Variants in RBPMS2 observed in about 807,000 individuals in gnomAD.
RBPMS2 encodes the protein RNA-binding protein with multiple splicing 2.
RBPMS2 carries 14 observed loss-of-function variants against 25.7 expected under a neutral mutation model. The observed-to-expected ratio is 0.55, with a 90% CI of 0.36 to 0.85. The LOEUF (loss-of-function observed/expected upper bound fraction) is 0.85, where lower values mean the gene tolerates loss of function less well. RBPMS2 is among the 40% of genes least tolerant of loss of function. The pLI, the probability that RBPMS2 is intolerant of heterozygous loss-of-function variation, is 0.01. For synonymous variants in RBPMS2, 127 were observed against 115.6 expected (o/e 1.10, Z -0.63); for missense variants, 252 against 283.4 (o/e 0.89, Z 0.80).
In RBPMS2 at chr15:64,751,503, C is replaced by T. The variant is rs530429948; in HGVS notation, c.165+58G>A. On this transcript the variant is annotated intron_variant, in intron 2 of 7. Coordinates refer to ENST00000300069, the MANE Select transcript of RBPMS2 (RefSeq NM_194272.3). ...TGCCCTGCCCGACCCGAGATTCACT[C>T]CCGCTGCTTCTCCAGGGTCCCAGGC... 2.4e-4 allele frequency: 347 copies of T among 1,469,610 alleles called. 3 individuals carry two copies. In the South Asian group the frequency reaches 3.7e-3, roughly 16 times the overall value. The allele number at this position is 1,469,610 out of a possible 1,614,324, so 91.0% of individuals were successfully genotyped here.
chr15:64,744,798 G>GTTTTTTTTTTTTTTTTTTTTTTTTTTTTT (rs748967917), intron 6 of RBPMS2, among the ~76,000 whole-genome samples: 2 of 46,290 alleles, frequency 4.3e-5, no homozygotes, highest in African/African-American at 1.5e-4. Context: ...GGTTTGTTTT[G>GTTTTTTTTTTTTTTTTTTTTTTTTTTTTT]TTTTTTTTTT....
intron 7 of RBPMS2, 42 bp from the exon 8 acceptor site, chr15:64,741,042 A>T: frequency 1.5e-6 from 1 of 654,134 alleles, no homozygotes; most frequent in Non-Finnish European, 2.7e-6. Flanking sequence ...GAGGCGTGGG[A>T]CTAGAGCTAA....
intron 1 of RBPMS2, among the ~76,000 whole-genome samples, chr15:64,774,523 GCCCCT>G (rs913655192): frequency 6.6e-5 from 10 of 152,128 alleles, no homozygotes; most frequent in African/African-American, 2.2e-4. Context: ...AGATGATTTC[GCCCCT>G]CCTGGCAGGA....
At position 64,749,149 on chromosome 15, in the gene RBPMS2, C is replaced by T. The variant is rs1283931795; in HGVS notation, c.269G>A (p.Gly90Asp). Residue 90 changes from glycine to aspartate, a missense_variant and splice_region_variant, in exon 5 of 8, where the codon GGT becomes GAT. Coordinates refer to ENST00000300069, the MANE Select transcript of RBPMS2 (RefSeq NM_194272.3). ...GAEAAKNALN[G>D]IRFDPENPQT... ...TGGATTTTCGGGATCAAAGCGAATACCCTACATGGGTAGAGAAAAGAAGAG... is the reference window on the plus strand; with the variant it reads ...TGGATTTTCGGGATCAAAGCGAATATCCTACATGGGTAGAGAAAAGAAGAG... 1.4e-5 allele frequency: 23 copies of T among 1,613,988 alleles called. No homozygotes were observed. The highest frequency in any genetic ancestry group is 2.2e-5 in the East Asian group (1 of 44,892).
At chr15:64,748,871 AGGTG>A in intron 5 of RBPMS2, 125 bp downstream of exon 5, 1 of 1,042,096 alleles carries the variant, frequency 9.6e-7, no homozygotes. Context: ...GAGGAAAACC[AGGTG>A]TTTCAAAAAT....
At chr15:64,756,429 C>A (rs1470714011) in intron 1 of RBPMS2, among the ~76,000 whole-genome samples, 1 of 151,770 alleles carries the variant, frequency 6.6e-6, no homozygotes, top group Non-Finnish European at 1.5e-5. Flanking sequence ...GCACGAGAAT[C>A]CCCTGAACCC....
intron 1 of RBPMS2, among the ~76,000 whole-genome samples, chr15:64,756,816 TTTTTGG>T (rs2083734937): frequency 6.7e-6 from 1 of 149,944 alleles, no homozygotes; most frequent in African/African-American, 2.4e-5. Flanking sequence ...CTTTTTTTTT[TTTTTGG>T]AGAGACAGGG....
intron 1 of RBPMS2, among the ~76,000 whole-genome samples, chr15:64,761,696 CTT>C (rs71133473): frequency 4.6e-5 from 4 of 86,690 alleles, no homozygotes; most frequent in South Asian, 5.0e-4. Flanking sequence ...CAAAGCCCAG[CTT>C]TTTTTTTTTT....
rs1198077756 is a variant in RBPMS2 at position 64,749,436 on chromosome 15, G to C, written c.262C>G (p.Leu88Val). ...CCTGTTCTCCACCTACTCACGTTCA[G>C]CGCATTCTTGGCCGCTTCTGCTCCT... ...RAGAEAAKNALNGIRFDPENP... is the reference protein window; with the variant it reads ...RAGAEAAKNAVNGIRFDPENP... Residue 88 changes from leucine to valine, a missense_variant, in exon 4 of 8, where the codon CTG becomes GTG. Transcript: ENST00000300069. 1 of 1,613,218 alleles carries C rather than the reference G, an allele frequency of 6.2e-7. No homozygotes were observed. Among genetic ancestry groups the C allele is most frequent in the Non-Finnish European group, 8.5e-7 (1 of 1,179,686 alleles).
intron 1 of RBPMS2, among the ~76,000 whole-genome samples, chr15:64,766,798 G>C (rs577173690): frequency 6.6e-6 from 1 of 152,156 alleles, no homozygotes; most frequent in South Asian, 2.1e-4. Flanking sequence ...CAAAGTGCTG[G>C]GATTACAGGC....
intron 1 of RBPMS2, among the ~76,000 whole-genome samples, chr15:64,752,865 G>A (rs1180756517): frequency 6.6e-6 from 1 of 152,134 alleles, no homozygotes; most frequent in African/African-American, 2.4e-5. Flanking sequence ...GCCCACCTCG[G>A]CCTCCCAAAG....
chr15:64,751,948 C>A (rs1322201482), intron 1 of RBPMS2, among the ~76,000 whole-genome samples: 1 of 151,750 alleles, frequency 6.6e-6, no homozygotes, highest in Non-Finnish European at 1.5e-5. Flanking sequence ...ACAAACCCAG[C>A]CCAGCATGCC....
chr15:64,775,228 C>CCCA lies in RBPMS2; in HGVS notation c.87+2_87+4dup. On this transcript the variant is annotated splice_donor_region_variant and intron_variant, in intron 1 of 7. Transcript: ENST00000300069. ...ACCCGGCAAGTCCCGGGGCCACAGA[C>CCCA]CCACCTCCTCCTCCAGGGCGCCGCC... The CCCA allele has an allele frequency of 7.8e-7, 1 of 1,283,868 alleles. No homozygotes were observed. The highest frequency in any genetic ancestry group is 9.9e-7 in the Non-Finnish European group (1 of 1,012,368). 79.5% of individuals were successfully genotyped at this position (1,283,868 alleles called of 1,614,324 possible). A position where few individuals can be genotyped will look rare whatever the true frequency, so the allele number is the denominator to read the frequency against.
At chr15:64,754,081 C>T (rs544762342) in intron 1 of RBPMS2, among the ~76,000 whole-genome samples, 1 of 152,212 alleles carries the variant, frequency 6.6e-6, no homozygotes, top group African/African-American at 2.4e-5. Flanking sequence ...AAGGCTGAGG[C>T]GGGTGGATCA....
chr15:64,755,988 G>A lies in RBPMS2; in HGVS notation c.88-4350C>T, dbSNP rs2083728444. ...TTTCCTTCCTCTGAAGCCCCACAGT[G>A]GCCGTTAGGACCCCTCGCCTTATAG... On this transcript the variant is annotated intron_variant, in intron 1 of 7. Coordinates refer to ENST00000300069, the MANE Select transcript of RBPMS2 (RefSeq NM_194272.3). 4.6e-5 allele frequency among the ~76,000 whole-genome samples: 7 copies of A among 152,078 alleles called. No homozygotes were observed. In the South Asian group the frequency reaches 1.5e-3, roughly 32 times the overall value.
At position 64,775,474 on chromosome 15, in the gene RBPMS2, G is replaced by C. The variant is rs530698855; in HGVS notation, c.-155C>G. ...AGTGAGAGGGGCAGCCTCCGCGTCG[G>C]GCCAGGGTCACATCAAGTTTGGCGG... is the stretch of plus-strand genomic sequence containing the variant. On this transcript the variant is annotated 5_prime_UTR_variant, in exon 1 of 8. Transcript: ENST00000300069. 1,873 of 350,644 alleles carry C rather than the reference G, an allele frequency of 5.3e-3. 6 individuals are homozygous for C. The highest frequency in any genetic ancestry group is 8.8e-3 in the Admixed American group (183 of 20,748). 21.7% of individuals were successfully genotyped at this position (350,644 alleles called of 1,614,324 possible). A position where few individuals can be genotyped will look rare whatever the true frequency, so the allele number is the denominator to read the frequency against.
At chr15:64,763,989 A>T (rs2083817529) in intron 1 of RBPMS2, among the ~76,000 whole-genome samples, 1 of 152,064 alleles carries the variant, frequency 6.6e-6, no homozygotes, top group Non-Finnish European at 1.5e-5. Flanking sequence ...TGTTGTGTGC[A>T]CTTGACCTAC....
rs949271999 is a variant in RBPMS2 at position 64,740,167 on chromosome 15, T to C, written c.*841A>G. On this transcript the variant is annotated 3_prime_UTR_variant, in exon 8 of 8. Transcript: ENST00000300069. ...TGCCTCAAACTAAACATTAAACTTA[T>C]CTGACAGGGCGAACGAGGTCGCTTT... 6.6e-6 allele frequency: 1 copy of C among 152,528 alleles called. No individual in the cohort carries two copies. The highest frequency in any genetic ancestry group is 2.4e-5 in the African/African-American group (1 of 41,466). 9.4% of individuals were successfully genotyped at this position (152,528 alleles called of 1,614,324 possible). A position where few individuals can be genotyped will look rare whatever the true frequency, so the allele number is the denominator to read the frequency against.
chr15:64,746,207 G>A (rs2083617102), intron 6 of RBPMS2, among the ~76,000 whole-genome samples: 2 of 152,012 alleles, frequency 1.3e-5, no homozygotes, highest in South Asian at 4.2e-4. Flanking sequence ...TGACTCCCTG[G>A]TCTAATCTCT....
Sources: gnomAD v4.1 joint callset for allele counts (sites outside exome capture counted in the v4.1 genomes callset) on GRCh38, gnomAD v4.1.1 for gene constraint, MANE v1.5 for transcripts, NCBI Gene and HGNC (gene_info 2026-07-23, HGNC 2026-07-21) for gene names.